Variants in ROR2 observed in about 807,000 individuals in gnomAD.
ROR2 encodes the protein tyrosine-protein kinase transmembrane receptor ROR2.
In ROR2, 33 loss-of-function variants were observed where a neutral mutation model predicts 74.9. The observed-to-expected ratio is 0.44, with a 90% CI of 0.33 to 0.59. ROR2 has a LOEUF of 0.59. Among genes scored for constraint, ROR2 ranks in the 20% least tolerant of loss-of-function variants. The pLI is 0.02. For missense variants in ROR2, 1,216 were observed against 1,313.8 expected (o/e 0.93, Z 1.15); for synonymous variants, 586 against 558.7 (o/e 1.05, Z -0.69).
chr9:91,910,152 G>A (rs1179204555), intron 1 of ROR2, among the ~76,000 whole-genome samples: 2 of 152,058 alleles, frequency 1.3e-5, no homozygotes, highest in African/African-American at 4.8e-5. Flanking sequence ...GAGCAACCAT[G>A]CCCAGCCAAT....
intron 1 of ROR2, among the ~76,000 whole-genome samples, chr9:91,814,748 G>A (rs1333530689): frequency 6.6e-6 from 1 of 152,210 alleles, no homozygotes; most frequent in African/African-American, 2.4e-5. Flanking sequence ...TCAAGGATCT[G>A]GGTGATGCTG....
chr9:91,765,390 A>G (rs1039919093), intron 2 of ROR2, among the ~76,000 whole-genome samples: 8 of 152,098 alleles, frequency 5.3e-5, no homozygotes, highest in Non-Finnish European at 1.2e-4. Context: ...ATTGTTTACT[A>G]GCTTGCCACT....
intron 4 of ROR2, 197 bp downstream of exon 4, chr9:91,755,872 CTT>C: frequency 1.6e-6 from 1 of 637,134 alleles, no homozygotes. Context: ...GTTTTTCTGA[CTT>C]TTTTTCTGTA....
chr9:91,801,327 C>A (rs573401896), intron 1 of ROR2, among the ~76,000 whole-genome samples: 1 of 152,122 alleles, frequency 6.6e-6, no homozygotes, highest in African/African-American at 2.4e-5. Context: ...AAAATTTGCA[C>A]GCTTTTTTAT....
At chr9:91,756,743 CTTT>C (rs557043787) in intron 3 of ROR2, among the ~76,000 whole-genome samples, 2,449 of 103,878 alleles carry the variant, frequency 0.024, 45 homozygotes, top group East Asian at 0.11. Context: ...TTTTTGTTCT[CTTT>C]TTTTTTTTTT....
chr9:91,849,860 T>G (rs183274440), intron 1 of ROR2, among the ~76,000 whole-genome samples: 31 of 152,350 alleles, frequency 2.0e-4, no homozygotes, highest in Admixed American at 6.5e-4. Context: ...AGCATCACTA[T>G]CTGCATGCTA....
chr9:91,867,855 G>A (rs1046557131), intron 1 of ROR2, among the ~76,000 whole-genome samples: 1 of 152,154 alleles, frequency 6.6e-6, no homozygotes, highest in African/African-American at 2.4e-5. Flanking sequence ...AAACACGGAA[G>A]GCTGTTCGGA....
In ROR2 at chr9:91,843,077, A is replaced by G. The variant is rs951896624; in HGVS notation, c.98-67259T>C. 5.3e-4 allele frequency among the ~76,000 whole-genome samples: 80 copies of G among 152,290 alleles called. 1 individual carries two copies. Among genetic ancestry groups the G allele is most frequent in the Admixed American group, 9.2e-4 (14 of 15,288 alleles). ...GAACAACTAGAAGCAAAAATGAGAG[A>G]AAAAAAACCCACAGAGAATGTGTTT... is the stretch of plus-strand genomic sequence containing the variant. On this transcript the variant is annotated intron_variant, in intron 1 of 8. Coordinates refer to ENST00000375708, the MANE Select transcript of ROR2 (RefSeq NM_004560.4).
chr9:91,848,936 A>G (rs1272838569), intron 1 of ROR2, among the ~76,000 whole-genome samples: 1 of 152,160 alleles, frequency 6.6e-6, no homozygotes, highest in African/African-American at 2.4e-5. Flanking sequence ...ACAATTCCTT[A>G]AAAGGTATTA....
chr9:91,869,917 T>C lies in ROR2; in HGVS notation c.97+79950A>G, dbSNP rs544673025. Among the ~76,000 whole-genome samples the C allele has an allele frequency of 3.9e-5, 6 of 152,350 alleles. No homozygotes were observed. In the South Asian group the frequency reaches 1.0e-3, roughly 26 times the overall value. ...AAGTCAAGTATCCTGTTAAAATGTG[T>C]GTCTATTCCTGCAAGATATTGGGAA... On this transcript the variant is annotated intron_variant, in intron 1 of 8. Transcript: ENST00000375708.
At chr9:91,874,764 T>G (rs1829908054) in intron 1 of ROR2, among the ~76,000 whole-genome samples, 1 of 152,078 alleles carries the variant, frequency 6.6e-6, no homozygotes, top group South Asian at 2.1e-4. Flanking sequence ...GGACAAACCC[T>G]GTCTCCACTA....
intron 2 of ROR2, among the ~76,000 whole-genome samples, chr9:91,770,791 T>C (rs918552940): frequency 3.9e-5 from 6 of 152,210 alleles, no homozygotes; most frequent in Admixed American, 2.0e-4. Context: ...TGTACCCTTT[T>C]AGCCTTGGAG....
At chr9:91,755,983 A>G (rs1439526278) in intron 4 of ROR2, 88 bp downstream of exon 4, 18 of 1,436,690 alleles carry the variant, frequency 1.3e-5, no homozygotes, top group Non-Finnish European at 1.8e-5. Context: ...CGGCAAAGAC[A>G]TGAGCTGGCA....
intron 1 of ROR2, among the ~76,000 whole-genome samples, chr9:91,936,610 G>A (rs1046360211): frequency 3.3e-5 from 5 of 152,192 alleles, no homozygotes; most frequent in African/African-American, 9.6e-5. Context: ...CAATAACAGT[G>A]TGATATTCTC....
intron 2 of ROR2, 53 bp downstream of exon 2, chr9:91,775,688 C>T (rs1032339283): frequency 7.1e-6 from 11 of 1,554,422 alleles, no homozygotes; most frequent in Non-Finnish European, 9.8e-6. Context: ...CAAGATGAGC[C>T]TCAGCACAGG....
intron 1 of ROR2, among the ~76,000 whole-genome samples, chr9:91,807,459 A>G (rs1827605321): frequency 6.6e-6 from 1 of 152,236 alleles, no homozygotes; most frequent in Non-Finnish European, 1.5e-5. Flanking sequence ...ATAAACCAGT[A>G]AGTGTGTTTT....
chr9:91,922,254 A>G (rs1222771470), intron 1 of ROR2, among the ~76,000 whole-genome samples: 4 of 152,182 alleles, frequency 2.6e-5, no homozygotes, highest in Admixed American at 1.3e-4. Context: ...CCCCAAAAAA[A>G]AAAACATGGA....
rs527870967 is a variant in ROR2 at position 91,857,849 on chromosome 9, C to G, written c.98-82031G>C. Reference sequence around the variant, plus strand: ...TTCATTGAACGGAGTATTTAGCGCTCTCCCACCACATTTTTCTTTAATTAT... The same window carrying G: ...TTCATTGAACGGAGTATTTAGCGCTGTCCCACCACATTTTTCTTTAATTAT... On this transcript the variant is annotated intron_variant, in intron 1 of 8. Transcript: ENST00000375708. Among the ~76,000 whole-genome samples the G allele has an allele frequency of 5.9e-5, 9 of 152,314 alleles. No homozygotes were observed. The South Asian group carries it at 1.9e-3, about 32-fold the overall frequency.
Position 91,905,155 on chromosome 9 carries a change from G to A in ROR2, c.97+44712C>T, listed in dbSNP as rs1422252939. ...CACCCCCCACACAAATATCACACATGCAAGACACACCACACAACACATACC... is the reference window on the plus strand; with the variant it reads ...CACCCCCCACACAAATATCACACATACAAGACACACCACACAACACATACC... On this transcript the variant is annotated intron_variant, in intron 1 of 8. Coordinates refer to ENST00000375708, the MANE Select transcript of ROR2 (RefSeq NM_004560.4). The surrounding 1 kb of genome is among the most constrained non-coding windows in gnomAD (Gnocchi z 5.3). 7.1e-6 allele frequency among the ~76,000 whole-genome samples: 1 copy of A among 140,348 alleles called. No individual in the cohort carries two copies. The highest frequency in any genetic ancestry group is 1.5e-5 in the Non-Finnish European group (1 of 64,634). The allele number at this position is 140,348 out of a possible 152,430, so 92.1% of individuals were successfully genotyped here. A position where few individuals can be genotyped will look rare whatever the true frequency, so the allele number is the denominator to read the frequency against.
Sources: allele counts gnomAD v4.1 joint callset (sites outside exome capture counted in the v4.1 genomes callset), GRCh38; gene constraint gnomAD v4.1.1; non-coding constraint Gnocchi (gnomAD v3.1); transcripts MANE v1.5; gene names NCBI Gene and HGNC (gene_info 2026-07-23, HGNC 2026-07-21).